EDAR: variants seen among roughly 807,000 people sequenced by gnomAD.
EDAR encodes the protein tumor necrosis factor receptor superfamily member EDAR.
In EDAR, 38 loss-of-function variants were observed where a neutral mutation model predicts 51.3. That is an observed-to-expected ratio of 0.74 (90% confidence interval 0.57 to 0.97). The LOEUF (loss-of-function observed/expected upper bound fraction) is 0.97. EDAR is among the 50% of genes least tolerant of loss of function. EDAR has a pLI of 0.00. For synonymous variants in EDAR, 227 were observed against 242.1 expected, an observed-to-expected ratio of 0.94 and a Z score of 0.58; for missense variants, 528 against 595.0, an observed-to-expected ratio of 0.89 and a Z score of 1.17.
In EDAR at chr2:108,900,403, A is replaced by C. The variant is rs376085015; in HGVS notation, c.1025-3174T>G. 7.9e-5 allele frequency among the ~76,000 whole-genome samples: 12 copies of C among 152,158 alleles called. No individual in the cohort carries two copies. The East Asian group carries it at 2.3e-3, about 29-fold the overall frequency. ...AAACCCTGTTTCTACTAAATATACA[A>C]AATTAGCTGGTGTGGTGGCACATGC... is the stretch of plus-strand genomic sequence containing the variant. On this transcript the variant is annotated intron_variant, in intron 11 of 11. Coordinates refer to ENST00000258443, the MANE Select transcript of EDAR (RefSeq NM_022336.4).
At chr2:108,903,015 A>G (rs1160410311) in intron 11 of EDAR, among the ~76,000 whole-genome samples, 1 of 152,220 alleles carries the variant, frequency 6.6e-6, no homozygotes, top group Non-Finnish European at 1.5e-5. Flanking sequence ...CATCTACAAG[A>G]AAACTCCCAG....
intron 1 of EDAR, among the ~76,000 whole-genome samples, chr2:108,969,358 T>C (rs13034648): frequency 3.3e-5 from 5 of 152,204 alleles, no homozygotes; most frequent in African/African-American, 1.2e-4. Flanking sequence ...TATTGATCTG[T>C]ATGTGCTGGC....
At chr2:108,930,860 G>T in intron 2 of EDAR, 104 bp downstream of exon 2, 1 of 1,253,782 alleles carries the variant, frequency 8.0e-7, no homozygotes, top group Non-Finnish European at 1.2e-6. Context: ...TGTGGAGGAG[G>T]GACTATGATC....
At chr2:108,943,365 C>T (rs548818420) in intron 1 of EDAR, among the ~76,000 whole-genome samples, 1 of 152,170 alleles carries the variant, frequency 6.6e-6, no homozygotes, top group Non-Finnish European at 1.5e-5. Context: ...TAAAACCTTT[C>T]ATTTCTGGCT....
intron 4 of EDAR, among the ~76,000 whole-genome samples, chr2:108,927,884 C>A (rs1697288540): frequency 6.6e-6 from 1 of 152,148 alleles, no homozygotes; most frequent in East Asian, 1.9e-4. Context: ...CATGGAGACA[C>A]CTGAGTATCC....
chr2:108,897,237 C>G lies in EDAR; in HGVS notation c.1025-8G>C. On this transcript the variant is annotated splice_region_variant and splice_polypyrimidine_tract_variant and intron_variant, in intron 11 of 11. Coordinates refer to ENST00000258443, the MANE Select transcript of EDAR (RefSeq NM_022336.4). Reference sequence around the variant, plus strand: ...GCTCCGTGGGGCTAAGACCTACAGACACCAATGGCCACAGTTAGATGTTGC... The same window carrying G: ...GCTCCGTGGGGCTAAGACCTACAGAGACCAATGGCCACAGTTAGATGTTGC... 1.2e-6 allele frequency: 2 copies of G among 1,611,536 alleles called. No individual in the cohort carries two copies. The highest frequency in any genetic ancestry group is 1.7e-6 in the Non-Finnish European group (2 of 1,178,104).
chr2:108,989,021 G>C lies in EDAR; in HGVS notation c.-80C>G, dbSNP rs1463084552. 3 of 152,340 alleles carry C rather than the reference G, an allele frequency of 2.0e-5. No homozygotes were observed. In the East Asian group the frequency reaches 5.8e-4, roughly 29 times the overall value. 9.4% of individuals were successfully genotyped at this position (152,340 alleles called of 1,614,324 possible). A position where few individuals can be genotyped will look rare whatever the true frequency, so the allele number is the denominator to read the frequency against. On this transcript the variant is annotated 5_prime_UTR_variant, in exon 1 of 12. Coordinates refer to ENST00000258443, the MANE Select transcript of EDAR (RefSeq NM_022336.4). ...AAGATGGGTCTATGAAGAAAGTCAG[G>C]TACCATCCAGTTCTGGGTGACAGGC...
intron 1 of EDAR, among the ~76,000 whole-genome samples, chr2:108,975,603 T>G (rs1407956136): frequency 6.6e-6 from 1 of 151,950 alleles, no homozygotes; most frequent in Non-Finnish European, 1.5e-5. Context: ...GGCAGCAGCT[T>G]TGGGGAGGCA....
intron 5 of EDAR, among the ~76,000 whole-genome samples, chr2:108,917,643 T>C (rs1697051788): frequency 6.6e-6 from 1 of 152,104 alleles, no homozygotes; most frequent in Admixed American, 6.5e-5. Context: ...ATGCTAAGAC[T>C]AGAGGGGGGT....
At chr2:108,937,254 C>T (rs1358511044) in intron 1 of EDAR, among the ~76,000 whole-genome samples, 1 of 152,200 alleles carries the variant, frequency 6.6e-6, no homozygotes, top group Non-Finnish European at 1.5e-5. Context: ...GTGAAGATTT[C>T]AGGGCTATGA....
intron 1 of EDAR, among the ~76,000 whole-genome samples, chr2:108,973,815 T>G (rs1214230309): frequency 1.3e-5 from 2 of 152,246 alleles, no homozygotes; most frequent in African/African-American, 4.8e-5. Flanking sequence ...CTTCAACTTT[T>G]GAATGCCCCA....
At position 108,897,270 on chromosome 2, in the gene EDAR, A is replaced by G. The variant is rs753925812; in HGVS notation, c.1025-41T>C. The G allele has an allele frequency of 1.4e-5, 21 of 1,546,840 alleles. 1 individual carries two copies. In the Middle Eastern group the frequency reaches 1.2e-3, roughly 87 times the overall value. ...GCCACAGTTAGATGTTGCAAGTCAC[A>G]GTCAATAGAAGGTCAACACTGAAAA... is the stretch of plus-strand genomic sequence containing the variant. On this transcript the variant is annotated intron_variant, in intron 11 of 11. Coordinates refer to ENST00000258443, the MANE Select transcript of EDAR (RefSeq NM_022336.4).
intron 1 of EDAR, among the ~76,000 whole-genome samples, chr2:108,974,129 A>G (rs1698281612): frequency 6.6e-6 from 1 of 151,704 alleles, no homozygotes; most frequent in Non-Finnish European, 1.5e-5. Context: ...GGAGATCGAG[A>G]CCATCCTGGC....
chr2:108,949,270 C>T (rs1697777182), intron 1 of EDAR, among the ~76,000 whole-genome samples: 1 of 152,164 alleles, frequency 6.6e-6, no homozygotes, highest in African/African-American at 2.4e-5. Context: ...GTGTGAGCCA[C>T]CAAGCCTGGC....
rs982276801 is a variant in EDAR at position 108,900,872 on chromosome 2, AAAC to A, written c.1025-3646_1025-3644del. Among the ~76,000 whole-genome samples the A allele has an allele frequency of 2.6e-4, 39 of 152,340 alleles. 1 individual carries two copies. In the South Asian group the frequency reaches 4.4e-3, roughly 17 times the overall value. On this transcript the variant is annotated intron_variant, in intron 11 of 11. Coordinates refer to ENST00000258443, the MANE Select transcript of EDAR (RefSeq NM_022336.4). ...TAGCAATCCTAAATGAATATGCACCAAACAACAGAGCTCCAAAATATGTGAAAC... is the reference window on the plus strand; with the variant it reads ...TAGCAATCCTAAATGAATATGCACCAAACAGAGCTCCAAAATATGTGAAAC...
At chr2:108,987,373 C>T (rs987448020) in intron 1 of EDAR, among the ~76,000 whole-genome samples, 6 of 152,198 alleles carry the variant, frequency 3.9e-5, no homozygotes, top group African/African-American at 7.2e-5. Context: ...TGGGGTAAGA[C>T]CAGGTCTGTC....
chr2:108,937,622 GTCTGTA>G (rs991347384), intron 1 of EDAR, among the ~76,000 whole-genome samples: 3 of 80,624 alleles, frequency 3.7e-5, no homozygotes, highest in Non-Finnish European at 1.2e-4. Context: ...GTGTGTGAGT[GTCTGTA>G]TGTTTATGTT....
intron 1 of EDAR, among the ~76,000 whole-genome samples, chr2:108,947,388 G>A (rs1426612686): frequency 6.6e-6 from 1 of 152,186 alleles, no homozygotes; most frequent in Non-Finnish European, 1.5e-5. Flanking sequence ...CTGGAAAATG[G>A]TGGTGCTCGT....
chr2:108,909,956 T>C (rs1434475490), intron 9 of EDAR, among the ~76,000 whole-genome samples: 1 of 152,196 alleles, frequency 6.6e-6, no homozygotes, highest in Non-Finnish European at 1.5e-5. Context: ...ACAGGGATGA[T>C]ACAAGCACCT....
Sources: allele counts gnomAD v4.1 joint callset (sites outside exome capture counted in the v4.1 genomes callset), GRCh38; gene constraint gnomAD v4.1.1; transcripts MANE v1.5; gene names NCBI Gene and HGNC (gene_info 2026-07-23, HGNC 2026-07-21).